The following ASS1 variants were observed in gnomAD, a reference collection of about 807,000 sequenced individuals.
ASS1 encodes argininosuccinate synthase 1.
A neutral mutation model predicts 60.5 loss-of-function variants in ASS1; 58 were observed. The observed-to-expected ratio is 0.96, with a 90% CI of 0.78 to 1.19. The LOEUF is 1.19. ASS1 is among the 50% of genes most tolerant of loss of function. The pLI is 0.00. For missense variants in ASS1, 454 were observed against 547.3 expected (o/e 0.83, Z 1.70); for synonymous variants, 200 against 206.9 (o/e 0.97, Z 0.29).
At chr9:130,471,297 C>T (rs1845860342) in intron 7 of ASS1, among the ~76,000 whole-genome samples, 188 bp from the exon 8 acceptor site, 1 of 152,202 alleles carries the variant, frequency 6.6e-6, no homozygotes, top group African/African-American at 2.4e-5. Context: ...CCAGCTCTTT[C>T]TTACAACCTG....
intron 11 of ASS1, among the ~76,000 whole-genome samples, chr9:130,483,826 C>G (rs965082142): frequency 1.8e-4 from 11 of 60,512 alleles, no homozygotes; most frequent in Admixed American, 1.6e-4. Flanking sequence ...CCTCTTCCCT[C>G]CCTTGCCCTT....
chr9:130,489,244 TA>T lies in ASS1; in HGVS notation c.839-88del, dbSNP rs202135322. 0.15 allele frequency: 153,330 copies of T among 1,039,786 alleles called. 296 individuals are homozygous for T. The highest frequency in any genetic ancestry group is 0.28 in the East Asian group (7,995 of 28,218). 64.4% of individuals were successfully genotyped at this position (1,039,786 alleles called of 1,614,324 possible). On this transcript the variant is annotated intron_variant, in intron 11 of 14. Coordinates refer to ENST00000352480, the MANE Select transcript of ASS1 (RefSeq NM_054012.4). This position sits in a 1 kb window ranked among gnomAD's most constrained non-coding sequence, Gnocchi z 4.1. The stretch of plus-strand genomic sequence containing the variant: ...CTGTCAGACGACTCATTATTATTAT[TA>T]TTTTTTTTTTTGTCATTTGCTGACA...
chr9:130,448,426 A>ATG (rs1564899458), intron 1 of ASS1, among the ~76,000 whole-genome samples: 16 of 132,488 alleles, frequency 1.2e-4, no homozygotes, highest in Non-Finnish European at 2.4e-4. Flanking sequence ...GCGCGCGCAC[A>ATG]CACACACACA....
intron 5 of ASS1, chr9:130,466,341 G>A (rs1326601387): frequency 1.7e-5 from 5 of 297,930 alleles, no homozygotes; most frequent in Non-Finnish European, 2.6e-5. Flanking sequence ...CAGGCCAGCA[G>A]CGGCAGCTCT....
chr9:130,460,654 C>T (rs1164175988), intron 4 of ASS1, among the ~76,000 whole-genome samples: 1 of 152,114 alleles, frequency 6.6e-6, no homozygotes, highest in Non-Finnish European at 1.5e-5. Context: ...GGAGCAGGAG[C>T]TATTGCTGTG....
At chr9:130,467,006 G>A (rs1564907821) in intron 6 of ASS1, among the ~76,000 whole-genome samples, 1 of 152,222 alleles carries the variant, frequency 6.6e-6, no homozygotes, top group Non-Finnish European at 1.5e-5. Context: ...CCAGCCCGTT[G>A]CCAGGGCGGA....
chr9:130,472,529 C>T (rs980694427), intron 8 of ASS1, among the ~76,000 whole-genome samples: 7 of 152,146 alleles, frequency 4.6e-5, no homozygotes, highest in East Asian at 1.9e-4. Context: ...GCCCGGGCAC[C>T]GGCTGCTCAG....
intron 1 of ASS1, among the ~76,000 whole-genome samples, chr9:130,448,944 G>C (rs950374701): frequency 4.6e-5 from 7 of 152,194 alleles, no homozygotes; most frequent in African/African-American, 1.7e-4. Flanking sequence ...CCAGAGAGTG[G>C]AACTAGTAGC....
intron 3 of ASS1, 66 bp from the exon 4 acceptor site, chr9:130,458,335 G>T: frequency 6.2e-7 from 1 of 1,603,324 alleles, no homozygotes; most frequent in Non-Finnish European, 8.5e-7. Context: ...GAGGCCCCTG[G>T]GGCTCTGTAT....
chr9:130,495,444 C>CATATATATATATATATATAT (rs142565065), intron 13 of ASS1, among the ~76,000 whole-genome samples: 14 of 139,750 alleles, frequency 1.0e-4, no homozygotes, highest in African/African-American at 3.4e-4. Flanking sequence ...CACACACATA[C>CATATATATATATATATATAT]ATATATATAT....
intron 4 of ASS1, among the ~76,000 whole-genome samples, chr9:130,461,498 G>A (rs1386302628): frequency 1.3e-5 from 2 of 152,202 alleles, no homozygotes; most frequent in African/African-American, 4.8e-5. Flanking sequence ...GGCCGCTCGG[G>A]ACTTGGGGGC....
chr9:130,467,937 G>A (rs1430062214), intron 6 of ASS1, among the ~76,000 whole-genome samples: 1 of 152,170 alleles, frequency 6.6e-6, no homozygotes, highest in Non-Finnish European at 1.5e-5. Context: ...ATGAGTCTCA[G>A]GAGCACACTG....
chr9:130,495,444 C>CATATATATATAT (rs142565065), intron 13 of ASS1, among the ~76,000 whole-genome samples: 2 of 139,750 alleles, frequency 1.4e-5, no homozygotes, highest in African/African-American at 5.2e-5. Context: ...CACACACATA[C>CATATATATATAT]ATATATATAT....
At position 130,480,416 on chromosome 9, in the gene ASS1, G is replaced by A. The variant is rs370595480; in HGVS notation, c.805G>A (p.Val269Met). ...GCATGGCGTGGGCCGTATTGACATC[G>A]TGGAGAACCGCTTCATTGGAATGAA... ...GKHGVGRIDIVENRFIGMKSR... is the reference protein window; with the variant it reads ...GKHGVGRIDIMENRFIGMKSR... The change falls in exon 11 of 15, where the codon GTG (valine) becomes ATG (methionine). Residue 269 changes from valine to methionine, a missense_variant. Physicochemically the swap from Val to Met is conservative, Grantham distance 21. Transcript: ENST00000352480. The A allele has an allele frequency of 6.1e-5, 99 of 1,614,048 alleles. No individual in the cohort carries two copies. The highest frequency in any genetic ancestry group is 7.5e-5 in the Non-Finnish European group (89 of 1,180,042).
In ASS1 at chr9:130,480,421, G is replaced by GA. The variant is rs759483921; in HGVS notation, c.812dup (p.Asn271LysfsTer49). Reference sequence around the variant, plus strand: ...GCGTGGGCCGTATTGACATCGTGGAGAACCGCTTCATTGGAATGAAGTCCC... The same window carrying GA: ...GCGTGGGCCGTATTGACATCGTGGAGAAACCGCTTCATTGGAATGAAGTCCC... On this transcript the variant is annotated frameshift_variant, in exon 11 of 15. Coordinates refer to ENST00000352480, the MANE Select transcript of ASS1 (RefSeq NM_054012.4). LOFTEE classifies it high-confidence loss of function. The GA allele has an allele frequency of 3.1e-6, 5 of 1,614,064 alleles. No homozygotes were observed. The highest frequency in any genetic ancestry group is 4.2e-6 in the Non-Finnish European group (5 of 1,180,046).
intron 1 of ASS1, chr9:130,451,676 C>G (rs1050153430): frequency 1.3e-5 from 5 of 377,298 alleles, no homozygotes; most frequent in Non-Finnish European, 2.6e-5. Context: ...CCACTGACCT[C>G]TCTGAGCCCT....
At chr9:130,474,243 A>G (rs991286648) in intron 8 of ASS1, among the ~76,000 whole-genome samples, 5 of 151,914 alleles carry the variant, frequency 3.3e-5, no homozygotes, top group African/African-American at 1.2e-4. Flanking sequence ...TTTTATTTCT[A>G]TTTAGTTATT....
At chr9:130,454,511 C>T (rs949564305) in intron 3 of ASS1, 138 bp downstream of exon 3, 4 of 971,574 alleles carry the variant, frequency 4.1e-6, no homozygotes, top group Admixed American at 4.4e-5. Context: ...ATCCTGCTCT[C>T]AGGTGTGTGA....
In ASS1 at chr9:130,470,942, G is replaced by C; in HGVS notation, c.566+38G>C. Reference sequence around the variant, plus strand: ...CTCCACCCATCCTTGGTCCTCCCGGGCTCATTCCAAAGGACGGCCACGCGC... The same window carrying C: ...CTCCACCCATCCTTGGTCCTCCCGGCCTCATTCCAAAGGACGGCCACGCGC... On this transcript the variant is annotated intron_variant, in intron 7 of 14. Transcript: ENST00000352480. This position sits in a 1 kb window ranked among gnomAD's most constrained non-coding sequence, Gnocchi z 4.3. 1 of 1,608,094 alleles carries C rather than the reference G, an allele frequency of 6.2e-7. No homozygotes were observed. The highest frequency in any genetic ancestry group is 8.5e-7 in the Non-Finnish European group (1 of 1,174,940).
Sources: gnomAD v4.1 joint callset for allele counts (sites outside exome capture counted in the v4.1 genomes callset) on GRCh38, gnomAD v4.1.1 for gene constraint, Gnocchi (gnomAD v3.1) non-coding constraint, MANE v1.5 for transcripts, NCBI Gene and HGNC (gene_info 2026-07-23, HGNC 2026-07-21) for gene names.